The following MTHFD2L variants were observed in gnomAD, a reference collection of about 807,000 sequenced individuals.
The protein encoded by MTHFD2L is methylenetetrahydrofolate dehydrogenase (NADP+ dependent) 2 like, also known as bifunctional methylenetetrahydrofolate dehydrogenase/cyclohydrolase 2, mitochondrial.
A neutral mutation model predicts 34.9 loss-of-function variants in MTHFD2L; 29 were observed. The observed-to-expected ratio is 0.83, with a 90% confidence interval of 0.62 to 1.13. MTHFD2L has a LOEUF of 1.13. Among genes scored for constraint, MTHFD2L ranks in the 50% most tolerant of loss-of-function variants. MTHFD2L has a pLI of 0.00. For missense variants in MTHFD2L, 481 were observed against 446.5 expected, an observed-to-expected ratio of 1.08 and a Z score of -0.70; for synonymous variants, 167 against 155.7, an observed-to-expected ratio of 1.07 and a Z score of -0.54.
At chr4:74,267,645 G>A (rs1339951138) in intron 6 of MTHFD2L, 2 of 822,806 alleles carry the variant, frequency 2.4e-6, no homozygotes, top group African/African-American at 1.8e-5. Context: ...ATGTTGCCCA[G>A]GCTGGTTTTG....
chr4:74,299,654 A>T (rs1452904316), intron 7 of MTHFD2L, among the ~76,000 whole-genome samples: 1 of 152,048 alleles, frequency 6.6e-6, no homozygotes, highest in African/African-American at 2.4e-5. Flanking sequence ...GCACTGACAC[A>T]TTTCTGCAAA....
intron 5 of MTHFD2L, among the ~76,000 whole-genome samples, chr4:74,217,603 A>G (rs548277845): frequency 2.6e-5 from 4 of 151,910 alleles, no homozygotes; most frequent in Admixed American, 6.5e-5. Context: ...GCAAAACTCT[A>G]TATGTGAGGT....
intron 6 of MTHFD2L, among the ~76,000 whole-genome samples, chr4:74,231,305 T>C (rs553018143): frequency 3.9e-5 from 6 of 152,224 alleles, no homozygotes; most frequent in Non-Finnish European, 7.4e-5. Flanking sequence ...CCGGGTGTAT[T>C]TCCTCCTCCT....
chr4:74,200,589 A>G (rs1461152351), intron 4 of MTHFD2L, among the ~76,000 whole-genome samples: 1 of 152,134 alleles, frequency 6.6e-6, no homozygotes, highest in Non-Finnish European at 1.5e-5. Context: ...TTACCCTTGT[A>G]CTGTACTGGA....
chr4:74,177,910 A>G lies in MTHFD2L; in HGVS notation c.451+2507A>G, dbSNP rs80145751. ...TTGTTGTATATATACACTATGAAAT[A>G]AGAATCAACTTTTTAAAAGAATGAA... is the stretch of plus-strand genomic sequence containing the variant. On this transcript the variant is annotated intron_variant, in intron 3 of 7. Coordinates refer to ENST00000325278, the MANE Select transcript of MTHFD2L (RefSeq NM_001144978.3). Among the ~76,000 whole-genome samples, 900 of 152,130 alleles carry G rather than the reference A, an allele frequency of 5.9e-3. 29 individuals are homozygous for G. The South Asian group carries it at 0.08, about 14-fold the overall frequency.
intron 7 of MTHFD2L, among the ~76,000 whole-genome samples, chr4:74,286,166 C>T (rs1748140847): frequency 6.6e-6 from 1 of 152,160 alleles, no homozygotes; most frequent in Admixed American, 6.6e-5. Context: ...AAATGCTTAA[C>T]ATTCCTCTTC....
intron 6 of MTHFD2L, among the ~76,000 whole-genome samples, chr4:74,227,621 A>C (rs1001388253): frequency 2.0e-5 from 3 of 152,198 alleles, no homozygotes; most frequent in African/African-American, 7.2e-5. Context: ...TTAATAAAAT[A>C]TTAATAAATT....
At chr4:74,164,097 T>C (rs915686373) in intron 1 of MTHFD2L, among the ~76,000 whole-genome samples, 39 of 152,192 alleles carry the variant, frequency 2.6e-4, no homozygotes, top group African/African-American at 6.5e-4. Context: ...GGATGCGTCT[T>C]GATCTCCTGA....
chr4:74,137,597 A>G (rs954211103), intron 1 of MTHFD2L, among the ~76,000 whole-genome samples: 2 of 152,156 alleles, frequency 1.3e-5, no homozygotes, highest in Admixed American at 6.6e-5. Context: ...TGATCTAGCT[A>G]TTTCACTACT....
chr4:74,117,716 C>T (rs576677358), intron 2 of MTHFD2L, among the ~76,000 whole-genome samples: 5 of 152,332 alleles, frequency 3.3e-5, no homozygotes, highest in Admixed American at 2.6e-4. Flanking sequence ...GCTTCCGCAG[C>T]AGGCCCAGGG....
At chr4:74,162,666 C>T (rs1046289632) in intron 1 of MTHFD2L, among the ~76,000 whole-genome samples, 20 of 152,112 alleles carry the variant, frequency 1.3e-4, no homozygotes, top group African/African-American at 4.6e-4. Context: ...TTTGCATATA[C>T]AGTATGTCCT....
intron 5 of MTHFD2L, among the ~76,000 whole-genome samples, chr4:74,207,625 C>G (rs142436772): frequency 6.7e-4 from 102 of 152,298 alleles, no homozygotes; most frequent in African/African-American, 2.3e-3. Context: ...TTTTCACACT[C>G]AAGCTGTGCT....
At chr4:74,268,514 A>G (rs1393331904) in intron 6 of MTHFD2L, among the ~76,000 whole-genome samples, 1 of 152,094 alleles carries the variant, frequency 6.6e-6, no homozygotes, top group Non-Finnish European at 1.5e-5. Flanking sequence ...GTGAATGAGG[A>G]TAATGGGTAA....
chr4:74,133,219 C>T (rs1020970186), intron 1 of MTHFD2L, among the ~76,000 whole-genome samples: 1 of 152,110 alleles, frequency 6.6e-6, no homozygotes, highest in Non-Finnish European at 1.5e-5. Flanking sequence ...TTATTTTACT[C>T]TTTTGCTGCT....
At chr4:74,184,892 A>G (rs1730855725) in intron 3 of MTHFD2L, among the ~76,000 whole-genome samples, 2 of 152,056 alleles carry the variant, frequency 1.3e-5, no homozygotes, top group South Asian at 2.1e-4. Flanking sequence ...GCTCATGCCT[A>G]TAATCCCAGA....
intron 1 of MTHFD2L, among the ~76,000 whole-genome samples, chr4:74,130,128 C>A (rs1022988783): frequency 2.0e-5 from 3 of 152,046 alleles, no homozygotes; most frequent in African/African-American, 7.2e-5. Context: ...CAGGACCAGA[C>A]AAATTCACAG....
rs1745565394 is a variant in MTHFD2L, at chr4:74,268,345, A to G, written c.806-13080A>G. Reference sequence around the variant, plus strand: ...TTATCTTTATTTATGTAGTAGGACAATTTCCAGCTGAAGAAGTGATCCACC... The same window carrying G: ...TTATCTTTATTTATGTAGTAGGACAGTTTCCAGCTGAAGAAGTGATCCACC... On this transcript the variant is annotated intron_variant, in intron 6 of 7. Transcript: ENST00000325278. 6 of 743,996 alleles carry G rather than the reference A, an allele frequency of 8.1e-6. No individual in the cohort carries two copies. The South Asian group carries it at 1.8e-4, about 23-fold the overall frequency. 46.1% of individuals were successfully genotyped at this position (743,996 alleles called of 1,614,324 possible).
At chr4:74,186,438 G>GGAA (rs374452148) in intron 3 of MTHFD2L, among the ~76,000 whole-genome samples, 6 of 88,200 alleles carry the variant, frequency 6.8e-5, no homozygotes, top group African/African-American at 2.6e-4. Flanking sequence ...GGGAATCCAT[G>GGAA]AAAAAAAAAA....
At chr4:74,301,566 T>A in intron 7 of MTHFD2L, 131 bp from the exon 8 acceptor site, 1 of 557,588 alleles carries the variant, frequency 1.8e-6, no homozygotes, top group Non-Finnish European at 3.2e-6. Context: ...TGTCTGTTTA[T>A]TACAGCCTAC....
Sources: allele counts gnomAD v4.1 joint callset (sites outside exome capture counted in the v4.1 genomes callset), GRCh38; gene constraint gnomAD v4.1.1; transcripts MANE v1.5; gene names NCBI Gene and HGNC (gene_info 2026-07-23, HGNC 2026-07-21).